Variants in TRMT9B observed in about 807,000 individuals in gnomAD.
The protein encoded by TRMT9B is tRNA methyltransferase 9B (putative), also known as probable tRNA methyltransferase 9B.
A neutral mutation model predicts 11.5 loss-of-function variants in TRMT9B; 16 were observed. The observed-to-expected ratio is 1.39, with a 90% confidence interval of 0.94 to 2.11. The LOEUF (loss-of-function observed/expected upper bound fraction) is 2.11. TRMT9B is among the 30% of genes most tolerant of loss of function. The probability of loss-of-function intolerance (pLI) is 0.00; values close to 1 mark genes in which losing one functional copy is unlikely to be tolerated. For missense variants in TRMT9B, 941 were observed against 553.8 expected, an observed-to-expected ratio of 1.70 and a Z score of -7.02; for synonymous variants, 274 against 192.4, an observed-to-expected ratio of 1.42 and a Z score of -3.51.
At chr8:12,946,849 C>T (rs1280864359) in intron 1 of TRMT9B, among the ~76,000 whole-genome samples, 1 of 152,120 alleles carries the variant, frequency 6.6e-6, no homozygotes, top group Non-Finnish European at 1.5e-5. Context: ...GAGAAGAAAC[C>T]ATCCTATTCC....
At chr8:12,971,183 C>G (rs747662828) in intron 1 of TRMT9B, among the ~76,000 whole-genome samples, 9 of 152,042 alleles carry the variant, frequency 5.9e-5, no homozygotes, top group Admixed American at 3.3e-4. Context: ...TGTCGTTTCC[C>G]TGCTGTATTA....
intron 1 of TRMT9B, among the ~76,000 whole-genome samples, chr8:12,990,536 C>T (rs535541069): frequency 3.2e-4 from 49 of 152,050 alleles, no homozygotes; most frequent in African/African-American, 7.5e-4. Context: ...TTAATTAAGC[C>T]CCTGGAATCA....
chr8:12,949,533 A>G, intron 1 of TRMT9B, among the ~76,000 whole-genome samples: 1 of 152,136 alleles, frequency 6.6e-6, no homozygotes, highest in Non-Finnish European at 1.5e-5. Context: ...ACTGGTGGTC[A>G]CTGAAATGCC....
intron 1 of TRMT9B, among the ~76,000 whole-genome samples, chr8:12,948,911 G>C (rs943227437): frequency 6.6e-6 from 1 of 152,290 alleles, no homozygotes; most frequent in South Asian, 2.1e-4. Context: ...AGTGAGCCGA[G>C]ATCGCACCAC....
At chr8:13,011,431 T>C (rs1250692631) in intron 3 of TRMT9B, 15 of 985,418 alleles carry the variant, frequency 1.5e-5, no homozygotes, top group Non-Finnish European at 1.8e-5. Flanking sequence ...AGCAGCAAAC[T>C]AATCATCTTT....
At chr8:12,992,205 G>A (rs1305077189) in intron 2 of TRMT9B, among the ~76,000 whole-genome samples, 1 of 152,186 alleles carries the variant, frequency 6.6e-6, no homozygotes, top group African/African-American at 2.4e-5. Flanking sequence ...ATGATGTACA[G>A]ATGAGACATA....
At chr8:12,965,314 C>T (rs1802666142) in intron 1 of TRMT9B, among the ~76,000 whole-genome samples, 1 of 152,128 alleles carries the variant, frequency 6.6e-6, no homozygotes, top group Non-Finnish European at 1.5e-5. Context: ...TTGAGGAGCT[C>T]AGTTGGAAAG....
chr8:12,963,004 C>T (rs1802334153), intron 1 of TRMT9B, among the ~76,000 whole-genome samples: 1 of 152,190 alleles, frequency 6.6e-6, no homozygotes, highest in Non-Finnish European at 1.5e-5. Flanking sequence ...GATTTCTTCC[C>T]AGTCCGCTGA....
chr8:13,021,308 A>G lies in TRMT9B; in HGVS notation c.629A>G (p.Lys210Arg). 1 of 1,614,038 alleles carries G rather than the reference A, an allele frequency of 6.2e-7. No homozygotes were observed. Among genetic ancestry groups the G allele is most frequent in the Non-Finnish European group, 8.5e-7 (1 of 1,179,902 alleles). Reference protein sequence around the residue: ...SVCFKEQCGSKRSHSVGYEPA... With the variant: ...SVCFKEQCGSRRSHSVGYEPA... ...TGTTTTAAAGAGCAGTGTGGTTCAAAACGGTCCCACAGCGTGGGCTATGAA... is the reference window on the plus strand; with the variant it reads ...TGTTTTAAAGAGCAGTGTGGTTCAAGACGGTCCCACAGCGTGGGCTATGAA... Residue 210 changes from lysine (K) to arginine (R), a missense_variant, in exon 5 of 5, where the codon AAA (lysine) becomes AGA (arginine). Coordinates refer to ENST00000524591, the MANE Select transcript of TRMT9B (RefSeq NM_020844.3).
intron 3 of TRMT9B, among the ~76,000 whole-genome samples, chr8:13,009,425 A>G (rs1222287071): frequency 6.6e-6 from 1 of 152,220 alleles, no homozygotes; most frequent in East Asian, 1.9e-4. Flanking sequence ...AAGTATTTTA[A>G]TAGGTAACCC....
At chr8:12,965,870 G>A (rs564702796) in intron 1 of TRMT9B, among the ~76,000 whole-genome samples, 10 of 150,550 alleles carry the variant, frequency 6.6e-5, no homozygotes, top group Non-Finnish European at 1.3e-4. Flanking sequence ...AAAATCAGCC[G>A]GGTGTGGTGG....
chr8:12,972,705 G>A (rs1033697473), intron 1 of TRMT9B, among the ~76,000 whole-genome samples: 1 of 152,160 alleles, frequency 6.6e-6, no homozygotes, highest in Non-Finnish European at 1.5e-5. Context: ...ACAATGGCTT[G>A]ATAACAGGCA....
intron 3 of TRMT9B, chr8:13,007,453 A>G (rs1051040784): frequency 6.6e-6 from 1 of 152,200 alleles, no homozygotes; most frequent in African/African-American, 2.4e-5. Flanking sequence ...GACTGCACCT[A>G]TGAGTCGTAA....
chr8:13,015,646 G>T lies in TRMT9B; in HGVS notation c.328+2789G>T, dbSNP rs569754388. ...TGTGATTACAGGCATGAACTACCAC[G>T]CCCAGGCTAAATTCCTTGTAGTCTG... is the stretch of plus-strand genomic sequence containing the variant. On this transcript the variant is annotated intron_variant, in intron 4 of 4. Transcript: ENST00000524591. 1.1e-4 allele frequency among the ~76,000 whole-genome samples: 17 copies of T among 152,086 alleles called. No homozygotes were observed. In the South Asian group the frequency reaches 3.5e-3, roughly 32 times the overall value.
chr8:13,027,114 T>C lies in TRMT9B; in HGVS notation c.*5070T>C, dbSNP rs1038086489. ...GTAAGGCAACTGAGGACTATTCAGA[T>C]ATTTCATTCACTCCATTTGTTTACT... On this transcript the variant is annotated 3_prime_UTR_variant, in exon 5 of 5. Transcript: ENST00000524591. The C allele has an allele frequency of 6.0e-6, 1 of 167,104 alleles. No homozygotes were observed. The highest frequency in any genetic ancestry group is 1.5e-5 in the Non-Finnish European group (1 of 68,108). The allele number at this position is 167,104 out of a possible 1,614,324, so 10.4% of individuals were successfully genotyped here.
intron 1 of TRMT9B, among the ~76,000 whole-genome samples, chr8:12,964,744 T>TTTTG (rs55817232): frequency 0.45 from 67,458 of 150,574 alleles, 15,655 homozygotes; most frequent in Middle Eastern, 0.64. Flanking sequence ...GGCTAATGTT[T>TTTTG]TTTGTTTGTT....
rs1814058050 is a variant in TRMT9B at position 13,022,075 on chromosome 8, A to G, written c.*31A>G. On this transcript the variant is annotated 3_prime_UTR_variant, in exon 5 of 5. Coordinates refer to ENST00000524591, the MANE Select transcript of TRMT9B (RefSeq NM_020844.3). ...TCCTTTTAGACAACTCCTCCAAAAGATGAACCACATTCTTTCCTCTTGGTT... is the reference window on the plus strand; with the variant it reads ...TCCTTTTAGACAACTCCTCCAAAAGGTGAACCACATTCTTTCCTCTTGGTT... 1 of 1,445,376 alleles carries G rather than the reference A, an allele frequency of 6.9e-7. No homozygotes were observed. Among genetic ancestry groups the G allele is most frequent in the South Asian group, 1.4e-5 (1 of 72,150 alleles). The allele number at this position is 1,445,376 out of a possible 1,614,324, so 89.5% of individuals were successfully genotyped here.
chr8:13,021,428 G>A lies in TRMT9B; in HGVS notation c.749G>A (p.Trp250Ter), dbSNP rs759162199. The stretch of plus-strand genomic sequence containing the variant: ...ACATTAGGAAAATCGTTTCGTTCCT[G>A]GTTTTTCTCCAGATCTTTGGATGAA... ...YSTLGKSFRS[W>*]FFSRSLDEST... The change falls in exon 5 of 5, where the codon TGG becomes TAG. Residue 250 changes from tryptophan to a stop codon, truncating the protein, a stop_gained. Coordinates refer to ENST00000524591, the MANE Select transcript of TRMT9B (RefSeq NM_020844.3). LOFTEE classifies it low-confidence loss of function (END_TRUNC). 5.6e-6 allele frequency: 9 copies of A among 1,613,880 alleles called. No homozygotes were observed. In the East Asian group the frequency reaches 2.0e-4, roughly 36 times the overall value.
intron 4 of TRMT9B, among the ~76,000 whole-genome samples, chr8:13,020,601 A>G (rs1385065204): frequency 1.3e-5 from 2 of 152,200 alleles, no homozygotes; most frequent in African/African-American, 4.8e-5. Context: ...GAATTACCTC[A>G]TAGAATTCAA....
Sources: allele counts gnomAD v4.1 joint callset (sites outside exome capture counted in the v4.1 genomes callset), GRCh38; gene constraint gnomAD v4.1.1; transcripts MANE v1.5; gene names NCBI Gene and HGNC (gene_info 2026-07-23, HGNC 2026-07-21).